Variants in FEZ2 observed in about 807,000 individuals in gnomAD.
The protein encoded by FEZ2 is fasciculation and elongation protein zeta 2, also known as fasciculation and elongation protein zeta-2.
A neutral mutation model predicts 40.4 loss-of-function variants in FEZ2; 51 were observed. The ratio of observed to expected loss-of-function variants is 1.26; its 90% confidence interval spans 1.01 to 1.59. The LOEUF (loss-of-function observed/expected upper bound fraction) is 1.59, where lower values mean the gene tolerates loss of function less well. FEZ2 is among the 40% of genes most tolerant of loss of function. The pLI is 0.00. For synonymous variants in FEZ2, 242 were observed against 172.0 expected (o/e 1.41, Z -3.18); for missense variants, 640 against 438.3 (o/e 1.46, Z -4.11).
chr2:36,569,088 C>T (rs186343119), intron 5 of FEZ2, among the ~76,000 whole-genome samples: 2 of 152,196 alleles, frequency 1.3e-5, no homozygotes, highest in African/African-American at 4.8e-5. Context: ...GAGCTAAGGT[C>T]CCTGTTAAGC....
intron 5 of FEZ2, among the ~76,000 whole-genome samples, chr2:36,565,965 G>T (rs1230408263): frequency 6.6e-6 from 1 of 152,112 alleles, no homozygotes; most frequent in Non-Finnish European, 1.5e-5. Context: ...GCCTGGTTGA[G>T]AATCACCGCA....
chr2:36,555,126 G>A (rs531360251), intron 7 of FEZ2, among the ~76,000 whole-genome samples: 2 of 152,134 alleles, frequency 1.3e-5, no homozygotes, highest in South Asian at 4.1e-4. Flanking sequence ...TTCCCACCCT[G>A]TGTGAGCCTC....
At chr2:36,575,387 C>A (rs897626002) in intron 5 of FEZ2, among the ~76,000 whole-genome samples, 1 of 151,932 alleles carries the variant, frequency 6.6e-6, no homozygotes, top group Non-Finnish European at 1.5e-5. Flanking sequence ...CAAGGTCTCA[C>A]TATATTGCCC....
chr2:36,583,024 C>T (rs972105526), intron 3 of FEZ2, among the ~76,000 whole-genome samples: 34 of 152,280 alleles, frequency 2.2e-4, no homozygotes, highest in Middle Eastern at 3.4e-3. Context: ...AGATACTTTA[C>T]AGTTTGTCCG....
chr2:36,556,139 A>G (rs1333895079), intron 6 of FEZ2: 1 of 423,946 alleles, frequency 2.4e-6, no homozygotes, highest in Non-Finnish European at 4.7e-6. Flanking sequence ...TCAGTGCTGC[A>G]GATCAAGCAA....
At chr2:36,584,840 C>G (rs1344175086) in intron 2 of FEZ2, among the ~76,000 whole-genome samples, 1 of 152,158 alleles carries the variant, frequency 6.6e-6, no homozygotes, top group African/African-American at 2.4e-5. Flanking sequence ...AGTAAGAAAC[C>G]TGCACGTGAG....
At chr2:36,584,030 C>G (rs1408214894) in intron 2 of FEZ2, 1 of 152,546 alleles carries the variant, frequency 6.6e-6, no homozygotes, top group African/African-American at 2.4e-5. Context: ...CACCACTCAC[C>G]TCCTCACCAT....
intron 1 of FEZ2, among the ~76,000 whole-genome samples, chr2:36,593,227 ATGG>A (rs1308508519): frequency 6.6e-6 from 1 of 152,158 alleles, no homozygotes; most frequent in East Asian, 2.0e-4. Flanking sequence ...CACTTCTTAC[ATGG>A]TGGCAGCAAG....
chr2:36,552,587 G>T lies in FEZ2; in HGVS notation c.*576C>A. ...TGACCAGTGGTGAAACAAGCAGCAAGCTACAAAATCCATCACCACCAACAG... is the reference window on the plus strand; with the variant it reads ...TGACCAGTGGTGAAACAAGCAGCAATCTACAAAATCCATCACCACCAACAG... On this transcript the variant is annotated 3_prime_UTR_variant, in exon 8 of 8. Transcript: ENST00000405912. 1 of 241,620 alleles carries T rather than the reference G, an allele frequency of 4.1e-6. No homozygotes were observed. The highest frequency in any genetic ancestry group is 4.9e-5 in the South Asian group (1 of 20,514). The allele number at this position is 241,620 out of a possible 1,614,324, so 15.0% of individuals were successfully genotyped here. A position where few individuals can be genotyped will look rare whatever the true frequency, so the allele number is the denominator to read the frequency against.
intron 2 of FEZ2, chr2:36,583,920 G>T: frequency 6.3e-6 from 1 of 159,622 alleles, no homozygotes; most frequent in Non-Finnish European, 1.4e-5. Context: ...ATCTGTCCAT[G>T]AGCGTCACAC....
At chr2:36,596,068 T>C (rs1360214664) in intron 1 of FEZ2, among the ~76,000 whole-genome samples, 1 of 152,204 alleles carries the variant, frequency 6.6e-6, no homozygotes, top group African/African-American at 2.4e-5. Flanking sequence ...TACATATACA[T>C]AAAATTATCT....
At chr2:36,589,901 A>C (rs1386083315) in intron 2 of FEZ2, 1 of 152,252 alleles carries the variant, frequency 6.6e-6, no homozygotes, top group African/African-American at 2.4e-5. Context: ...TGAAATATAG[A>C]GCACGCAAGA....
At chr2:36,581,607 G>A (rs959413452) in intron 3 of FEZ2, 176 bp from the exon 4 acceptor site, 13 of 572,414 alleles carry the variant, frequency 2.3e-5, no homozygotes, top group Middle Eastern at 2.7e-4. Context: ...GAGTGAACAT[G>A]GTTTATCAAG....
rs187924327 is a variant in FEZ2 at position 36,554,417 on chromosome 2, C to G, written c.1046-1238G>C. Among the ~76,000 whole-genome samples, 245 of 152,122 alleles carry G rather than the reference C, an allele frequency of 1.6e-3. 2 individuals carry two copies. Among genetic ancestry groups the G allele is most frequent in the African/African-American group, 5.8e-3 (239 of 41,478 alleles). ...TGGCCCTCATAGAGGCCTAGGAACC[C>G]GATATAATTAAAATTTAAGACATGT... On this transcript the variant is annotated intron_variant, in intron 7 of 7. Coordinates refer to ENST00000405912, the MANE Select transcript of FEZ2 (RefSeq NM_005102.3).
chr2:36,558,428 C>A lies in FEZ2; in HGVS notation c.979+10G>T, dbSNP rs1242855028. On this transcript the variant is annotated intron_variant, in intron 6 of 7. Transcript: ENST00000405912. ...AAATCAGGTAATAGTTTCATTTTGT[C>A]TTTGCTCACTTTTTGTTAATATTTG... 3 of 1,489,844 alleles carry A rather than the reference C, an allele frequency of 2.0e-6. No individual in the cohort carries two copies. The highest frequency in any genetic ancestry group is 1.3e-5 in the South Asian group (1 of 75,010). 92.3% of individuals were successfully genotyped at this position (1,489,844 alleles called of 1,614,324 possible). A position where few individuals can be genotyped will look rare whatever the true frequency, so the allele number is the denominator to read the frequency against.
At position 36,578,849 on chromosome 2, in the gene FEZ2, T is replaced by A; in HGVS notation, c.651A>T (p.Ser217=). The change falls in exon 5 of 8, where the codon TCA becomes TCT. Residue 217 remains serine, a synonymous_variant. Coordinates refer to ENST00000405912, the MANE Select transcript of FEZ2 (RefSeq NM_005102.3). ...GSYEERVKRL[S]VSELNEILEE... ...CCAGGATTTCATTTAACTCAGACAC[T>A]GAGAGCCTTTTCACTCCTGTGACCA... 1.2e-6 allele frequency: 2 copies of A among 1,610,256 alleles called. No homozygotes were observed. The highest frequency in any genetic ancestry group is 1.7e-6 in the Non-Finnish European group (2 of 1,178,662).
At position 36,590,820 on chromosome 2, in the gene FEZ2, C is replaced by A. The variant is rs1055245648; in HGVS notation, c.375+83G>T. 6.1e-6 allele frequency: 5 copies of A among 824,688 alleles called. No individual in the cohort carries two copies. The East Asian group carries it at 7.7e-5, about 13-fold the overall frequency. 51.1% of individuals were successfully genotyped at this position (824,688 alleles called of 1,614,324 possible). A position where few individuals can be genotyped will look rare whatever the true frequency, so the allele number is the denominator to read the frequency against. On this transcript the variant is annotated intron_variant, in intron 2 of 7. Coordinates refer to ENST00000405912, the MANE Select transcript of FEZ2 (RefSeq NM_005102.3). ...AGAAATGAGAGGCAGGTCAGTGAATCTGTGTTAAGCAGAAATGCTACTGTT... is the reference window on the plus strand; with the variant it reads ...AGAAATGAGAGGCAGGTCAGTGAATATGTGTTAAGCAGAAATGCTACTGTT...
intron 5 of FEZ2, among the ~76,000 whole-genome samples, chr2:36,566,524 C>T (rs1246527434): frequency 1.3e-5 from 2 of 152,084 alleles, no homozygotes; most frequent in African/African-American, 4.8e-5. Flanking sequence ...TTCATATGCT[C>T]CAAAAAGCAA....
intron 2 of FEZ2, among the ~76,000 whole-genome samples, chr2:36,586,720 C>A (rs1014631941): frequency 6.6e-5 from 10 of 152,140 alleles, no homozygotes; most frequent in African/African-American, 2.4e-4. Flanking sequence ...GTGGGAGGAT[C>A]TCCTGAGGTC....
Sources: gnomAD v4.1 joint callset for allele counts (sites outside exome capture counted in the v4.1 genomes callset) on GRCh38, gnomAD v4.1.1 for gene constraint, MANE v1.5 for transcripts, NCBI Gene and HGNC (gene_info 2026-07-23, HGNC 2026-07-21) for gene names.